PKHD1: variants seen among roughly 807,000 people sequenced by gnomAD.
PKHD1 encodes fibrocystin.
Under a neutral mutation model 412.0 loss-of-function variants are expected in PKHD1, and 291 were observed. That is an observed-to-expected ratio of 0.71 (90% confidence interval 0.64 to 0.78). The LOEUF (loss-of-function observed/expected upper bound fraction) is 0.78. PKHD1 is among the 30% of genes least tolerant of loss of function. The pLI, the probability that PKHD1 is intolerant of heterozygous loss-of-function variation, is 0.00. For missense variants in PKHD1, 4,825 were observed against 4,950.7 expected, an observed-to-expected ratio of 0.97 and a Z score of 0.76; for synonymous variants, 1,777 against 1,821.5, an observed-to-expected ratio of 0.98 and a Z score of 0.62.
intron 43 of PKHD1, among the ~76,000 whole-genome samples, chr6:51,900,193 A>T (rs1373555793): frequency 6.6e-6 from 1 of 152,250 alleles, no homozygotes; most frequent in East Asian, 1.9e-4. Flanking sequence ...TGGAACCAAA[A>T]AAAGAGCCCG....
At chr6:51,961,484 T>C (rs1337950029) in intron 35 of PKHD1, among the ~76,000 whole-genome samples, 1 of 152,120 alleles carries the variant, frequency 6.6e-6, no homozygotes, top group Non-Finnish European at 1.5e-5. Flanking sequence ...AGGAGCATCG[T>C]TGTGAACTGC....
chr6:51,867,452 C>T (rs182323533), intron 48 of PKHD1, among the ~76,000 whole-genome samples: 21 of 152,224 alleles, frequency 1.4e-4, no homozygotes, highest in African/African-American at 4.6e-4. Context: ...TCAGCAATTG[C>T]TTCCCTGGAG....
intron 61 of PKHD1, among the ~76,000 whole-genome samples, chr6:51,657,847 T>C (rs1202643340): frequency 1.3e-5 from 2 of 152,104 alleles, no homozygotes; most frequent in Non-Finnish European, 2.9e-5. Flanking sequence ...CTTTTATATA[T>C]AATATAAAAT....
At chr6:51,656,663 C>T (rs200753610) in intron 61 of PKHD1, among the ~76,000 whole-genome samples, 2 of 142,080 alleles carry the variant, frequency 1.4e-5, no homozygotes, top group Non-Finnish European at 1.5e-5. Flanking sequence ...GCTTTTCTTT[C>T]TTTTTTTTTT....
At chr6:51,830,688 G>T (rs1404854039) in intron 52 of PKHD1, among the ~76,000 whole-genome samples, 173 bp downstream of exon 52, 2 of 152,038 alleles carry the variant, frequency 1.3e-5, no homozygotes, top group Non-Finnish European at 2.9e-5. Context: ...GATTTCACTG[G>T]TCTATGAAAT....
intron 60 of PKHD1, among the ~76,000 whole-genome samples, chr6:51,717,215 C>T (rs1054327436): frequency 2.0e-5 from 3 of 152,302 alleles, no homozygotes; most frequent in Non-Finnish European, 4.4e-5. Flanking sequence ...AGTTCGAGAA[C>T]AGCCTGGCCA....
Position 52,054,085 on chromosome 6 carries a change from T to C in PKHD1, c.1917A>G (p.Val639=). Reference sequence around the variant, plus strand: ...GACTCCAGTCACAGGTGGTATTCTTTACCATGTTTTGAAAGCCGATTGTGA... The same window carrying C: ...GACTCCAGTCACAGGTGGTATTCTTCACCATGTTTTGAAAGCCGATTGTGA... ...VSFTIGFQNM[V]KNTTCDWSLT... Residue 639 remains valine, a synonymous_variant, in exon 20 of 67, where the codon GTA becomes GTG. Coordinates refer to ENST00000371117, the MANE Select transcript of PKHD1 (RefSeq NM_138694.4). 1 of 1,614,050 alleles carries C rather than the reference T, an allele frequency of 6.2e-7. No homozygotes were observed.
At chr6:51,830,827 G>A (rs371025067) in intron 52 of PKHD1, 34 bp downstream of exon 52, 10 of 1,602,236 alleles carry the variant, frequency 6.2e-6, no homozygotes, top group Non-Finnish European at 6.0e-6. Flanking sequence ...GGTTCAGCCT[G>A]TCTGTGATTC....
At chr6:51,682,456 A>G (rs537399473) in intron 60 of PKHD1, among the ~76,000 whole-genome samples, 2 of 152,090 alleles carry the variant, frequency 1.3e-5, no homozygotes, top group African/African-American at 2.4e-5. Context: ...CGCACAGATT[A>G]CTGAAGTAAT....
At chr6:52,010,173 C>T in intron 35 of PKHD1, 136 bp downstream of exon 35, 3 of 738,804 alleles carry the variant, frequency 4.1e-6, no homozygotes, top group Non-Finnish European at 7.0e-6. Flanking sequence ...GTGCATTAGA[C>T]CAGCTTCTCA....
intron 23 of PKHD1, among the ~76,000 whole-genome samples, chr6:52,047,337 T>TA (rs938669138): frequency 1.2e-4 from 18 of 152,124 alleles, no homozygotes; most frequent in Admixed American, 6.6e-5. Flanking sequence ...ATAATAAAAA[T>TA]ACCACTCTGT....
intron 55 of PKHD1, among the ~76,000 whole-genome samples, chr6:51,763,510 A>C (rs1481645862): frequency 6.6e-6 from 1 of 152,126 alleles, no homozygotes; most frequent in Non-Finnish European, 1.5e-5. Flanking sequence ...ATTATAATTA[A>C]AGTTTCTTAT....
chr6:51,789,358 C>A (rs1044898259), intron 53 of PKHD1, among the ~76,000 whole-genome samples: 6 of 152,012 alleles, frequency 3.9e-5, no homozygotes, highest in African/African-American at 1.4e-4. Flanking sequence ...GGACAAAAAT[C>A]TGAAATAACT....
At chr6:51,735,963 G>A (rs965274265) in intron 60 of PKHD1, among the ~76,000 whole-genome samples, 9 of 151,984 alleles carry the variant, frequency 5.9e-5, no homozygotes, top group Admixed American at 2.6e-4. Flanking sequence ...TAAAAACACA[G>A]TTCAATCTGA....
intron 34 of PKHD1, 87 bp from the exon 35 acceptor site, chr6:52,010,546 TA>T (rs1799675091): frequency 1.7e-6 from 2 of 1,176,800 alleles, no homozygotes; most frequent in Non-Finnish European, 2.5e-6. Context: ...TGCAAGCCAT[TA>T]GCTTGTGGCA....
chr6:51,641,800 C>A (rs1021627078), intron 63 of PKHD1, among the ~76,000 whole-genome samples: 6 of 152,058 alleles, frequency 3.9e-5, no homozygotes, highest in Non-Finnish European at 5.9e-5. Context: ...GAACAGAAAA[C>A]CAAACATAGC....
At chr6:51,863,893 T>A (rs1026434777) in intron 48 of PKHD1, among the ~76,000 whole-genome samples, 1 of 152,180 alleles carries the variant, frequency 6.6e-6, no homozygotes, top group Non-Finnish European at 1.5e-5. Context: ...TTTGTTGAGT[T>A]GCTATGTGTT....
intron 36 of PKHD1, among the ~76,000 whole-genome samples, chr6:51,934,912 G>A (rs1315630682): frequency 2.0e-5 from 3 of 152,072 alleles, no homozygotes; most frequent in Admixed American, 2.0e-4. Flanking sequence ...TCACATACTC[G>A]GGCTTTAAGA....
intron 60 of PKHD1, among the ~76,000 whole-genome samples, chr6:51,701,945 TATCATATTA>T (rs1562128838): frequency 6.6e-6 from 1 of 151,314 alleles, no homozygotes; most frequent in Admixed American, 6.6e-5. Flanking sequence ...TCAAAAATTA[TATCATATTA>T]ATCATATCTC....
Sources: gnomAD v4.1 joint callset for allele counts (sites outside exome capture counted in the v4.1 genomes callset) on GRCh38, gnomAD v4.1.1 for gene constraint, MANE v1.5 for transcripts, NCBI Gene and HGNC (gene_info 2026-07-23, HGNC 2026-07-21) for gene names.